Variants in TMEM163 observed in about 807,000 individuals in gnomAD.
TMEM163 encodes transmembrane protein 163.
TMEM163 carries 17 observed loss-of-function variants against 29.3 expected under a neutral mutation model. The ratio of observed to expected loss-of-function variants is 0.58; its 90% CI spans 0.40 to 0.87. The LOEUF is 0.87. TMEM163 is among the 40% of genes least tolerant of loss of function. The probability of loss-of-function intolerance (pLI) is 0.00; values close to 1 mark genes in which losing one functional copy is unlikely to be tolerated. For synonymous variants in TMEM163, 157 were observed against 160.6 expected (o/e 0.98, Z 0.17); for missense variants, 303 against 381.5 (o/e 0.79, Z 1.71).
intron 2 of TMEM163, among the ~76,000 whole-genome samples, chr2:134,568,712 AAAC>A (rs570817292): frequency 1.3e-5 from 2 of 149,638 alleles, no homozygotes; most frequent in South Asian, 4.2e-4. Flanking sequence ...AAAAAGAAAG[AAAC>A]AAACAAAGAA....
intron 2 of TMEM163, among the ~76,000 whole-genome samples, chr2:134,679,953 G>C (rs1022151616): frequency 2.7e-5 from 4 of 148,544 alleles, no homozygotes; most frequent in African/African-American, 4.9e-5. Flanking sequence ...ATACCTGCCA[G>C]AATAAACGTA....
chr2:134,535,452 G>A (rs1680513767), intron 4 of TMEM163, among the ~76,000 whole-genome samples: 1 of 152,248 alleles, frequency 6.6e-6, no homozygotes, highest in East Asian at 1.9e-4. Context: ...ATGTAAGCCT[G>A]GAGCAATCTT....
intron 2 of TMEM163, among the ~76,000 whole-genome samples, chr2:134,627,088 T>C (rs1682868816): frequency 6.6e-6 from 1 of 152,238 alleles, no homozygotes; most frequent in South Asian, 2.1e-4. Context: ...TAATGTTAAA[T>C]TTGTATTTCT....
chr2:134,600,056 T>G (rs116222135), intron 2 of TMEM163, among the ~76,000 whole-genome samples: 1,603 of 152,286 alleles, frequency 0.011, 31 homozygotes, highest in African/African-American at 0.035. Context: ...GTTTGTCTGC[T>G]TTGTTCCCTT....
At chr2:134,582,628 A>C (rs561715624) in intron 2 of TMEM163, among the ~76,000 whole-genome samples, 41 of 152,328 alleles carry the variant, frequency 2.7e-4, no homozygotes, top group Admixed American at 8.5e-4. Context: ...AAGCTGGTGC[A>C]TGGTGGTGCT....
intron 2 of TMEM163, among the ~76,000 whole-genome samples, chr2:134,601,978 A>G (rs564805718): frequency 6.6e-6 from 1 of 152,318 alleles, no homozygotes; most frequent in East Asian, 1.9e-4. Context: ...AACAGCTTGA[A>G]CAAAGGCTTG....
At chr2:134,538,419 CCAAA>C (rs1680589147) in intron 4 of TMEM163, among the ~76,000 whole-genome samples, 1 of 152,120 alleles carries the variant, frequency 6.6e-6, no homozygotes, top group Non-Finnish European at 1.5e-5. Flanking sequence ...TTACAGCAGC[CCAAA>C]CAATGACACA....
chr2:134,704,717 C>G (rs1035256089), intron 2 of TMEM163, among the ~76,000 whole-genome samples: 1 of 152,192 alleles, frequency 6.6e-6, no homozygotes, highest in Non-Finnish European at 1.5e-5. Flanking sequence ...CTCCCCCACG[C>G]TCTTCCCCTC....
intron 2 of TMEM163, among the ~76,000 whole-genome samples, chr2:134,592,904 T>C (rs1681971767): frequency 1.9e-5 from 1 of 51,376 alleles, no homozygotes; most frequent in African/African-American, 8.3e-5. Context: ...CAACCCTATA[T>C]CCTTGGAAAT....
At chr2:134,541,924 C>T (rs1680681673) in intron 4 of TMEM163, among the ~76,000 whole-genome samples, 3 of 152,180 alleles carry the variant, frequency 2.0e-5, no homozygotes, top group Admixed American at 1.3e-4. Flanking sequence ...TTACAATAAA[C>T]ATATATTACT....
chr2:134,718,230 C>T (rs1273729211), intron 1 of TMEM163, among the ~76,000 whole-genome samples: 1 of 152,246 alleles, frequency 6.6e-6, no homozygotes, highest in East Asian at 1.9e-4. Context: ...CTCCTTGCGC[C>T]CTTCGCCGGG....
intron 2 of TMEM163, among the ~76,000 whole-genome samples, chr2:134,645,224 ACATACACTTGC>A (rs957176085): frequency 7.2e-5 from 11 of 152,220 alleles, no homozygotes. Context: ...ATAAATTTAA[ACATACACTTGC>A]CATATGACCC....
intron 2 of TMEM163, among the ~76,000 whole-genome samples, chr2:134,623,729 T>C (rs1341733247): frequency 6.6e-6 from 1 of 151,972 alleles, no homozygotes; most frequent in Admixed American, 6.6e-5. Flanking sequence ...ATAGCGCCAT[T>C]GCACTCCAGC....
chr2:134,588,849 G>C (rs911190627), intron 2 of TMEM163, among the ~76,000 whole-genome samples: 13 of 152,288 alleles, frequency 8.5e-5, no homozygotes, highest in South Asian at 4.1e-4. Context: ...AAACGTTGGG[G>C]GGGGAAGAGG....
At chr2:134,476,078 C>T (rs1396965415) in intron 5 of TMEM163, among the ~76,000 whole-genome samples, 1 of 152,166 alleles carries the variant, frequency 6.6e-6, no homozygotes, top group Non-Finnish European at 1.5e-5. Context: ...ACCTAAATGT[C>T]CAACTACTGG....
intron 6 of TMEM163, among the ~76,000 whole-genome samples, chr2:134,462,115 C>A (rs1290393336): frequency 6.6e-6 from 1 of 152,088 alleles, no homozygotes; most frequent in Non-Finnish European, 1.5e-5. Context: ...GAGCACAGGG[C>A]CCCCTGGGAA....
At chr2:134,561,161 C>T (rs1458477842) in intron 2 of TMEM163, among the ~76,000 whole-genome samples, 2 of 152,234 alleles carry the variant, frequency 1.3e-5, no homozygotes, top group African/African-American at 4.8e-5. Flanking sequence ...ACACAGACCT[C>T]ACACGCCAGA....
rs1425449577 is a variant in TMEM163 at position 134,529,214 on chromosome 2, C to T, written c.458+21356G>A. On this transcript the variant is annotated intron_variant, in intron 4 of 7. Coordinates refer to ENST00000281924, the MANE Select transcript of TMEM163 (RefSeq NM_030923.5). ...CGCCTGGTGGTGCATGTCTGTAATC[C>T]CAGCTACTCAGGAGGCTGAGACAGG... Among the ~76,000 whole-genome samples, 4 of 151,720 alleles carry T rather than the reference C, an allele frequency of 2.6e-5. No individual in the cohort carries two copies. The East Asian group carries it at 7.8e-4, about 30-fold the overall frequency.
intron 2 of TMEM163, among the ~76,000 whole-genome samples, chr2:134,679,718 C>T (rs1189736440): frequency 2.0e-5 from 3 of 152,160 alleles, no homozygotes; most frequent in Non-Finnish European, 4.4e-5. Flanking sequence ...ACCAAAGAGA[C>T]GCAGAGATAC....
Sources: allele counts gnomAD v4.1 joint callset (sites outside exome capture counted in the v4.1 genomes callset), GRCh38; gene constraint gnomAD v4.1.1; transcripts MANE v1.5; gene names NCBI Gene and HGNC (gene_info 2026-07-23, HGNC 2026-07-21).